Variants in GPHN observed in about 807,000 individuals in gnomAD.
The protein encoded by GPHN is gephyrin.
Under a neutral mutation model 95.5 loss-of-function variants are expected in GPHN, and 17 were observed. The observed-to-expected ratio is 0.18, with a 90% confidence interval of 0.12 to 0.27. The LOEUF is 0.27. Among genes scored for constraint, GPHN ranks in the 10% least tolerant of loss-of-function variants. GPHN has a pLI of 1.00. For missense variants in GPHN, 660 were observed against 978.1 expected, an observed-to-expected ratio of 0.67 and a Z score of 4.34; for synonymous variants, 320 against 322.5, an observed-to-expected ratio of 0.99 and a Z score of 0.08.
At chr14:66,864,904 G>A (rs1294689011) in intron 4 of GPHN, among the ~76,000 whole-genome samples, 1 of 151,698 alleles carries the variant, frequency 6.6e-6, no homozygotes, top group African/African-American at 2.4e-5. Context: ...TAAAGAAAAT[G>A]TACATCTACA....
chr14:67,251,838 G>T, the GPHN span, among the ~76,000 whole-genome samples: 1 of 152,192 alleles, frequency 6.6e-6, no homozygotes, highest in Non-Finnish European at 1.5e-5. Context: ...CAGGTTAGGG[G>T]CTGGTTGCCA....
intron 1 of GPHN, among the ~76,000 whole-genome samples, chr14:66,631,770 T>C (rs2063820859): frequency 2.0e-5 from 3 of 152,168 alleles, no homozygotes; most frequent in Non-Finnish European, 4.4e-5. Context: ...TTTTTATTTG[T>C]AGTTCTACTT....
the GPHN span, chr14:67,656,717 G>T: frequency 9.7e-7 from 1 of 1,028,584 alleles, no homozygotes; most frequent in African/African-American, 1.6e-5. Context: ...TTTTAAGACA[G>T]AACCAAAGAA....
chr14:67,541,871 G>T, the GPHN span: 1 of 1,599,510 alleles, frequency 6.3e-7, no homozygotes, highest in South Asian at 1.1e-5. Context: ...TTCCATCATG[G>T]CAGAACTCAA....
the GPHN span, chr14:67,382,657 A>G: frequency 6.4e-7 from 1 of 1,568,056 alleles, no homozygotes; most frequent in Non-Finnish European, 8.8e-7. Context: ...TTGTAGGTAA[A>G]TAAGAGCTGT....
At chr14:66,877,661 A>C (rs2063732178) in intron 4 of GPHN, among the ~76,000 whole-genome samples, 1 of 152,212 alleles carries the variant, frequency 6.6e-6, no homozygotes, top group African/African-American at 2.4e-5. Flanking sequence ...TAAAATGCCT[A>C]GAATATGACT....
intron 1 of GPHN, among the ~76,000 whole-genome samples, chr14:66,618,862 C>G (rs927429332): frequency 4.6e-5 from 7 of 152,092 alleles, no homozygotes; most frequent in African/African-American, 1.7e-4. Flanking sequence ...TGAACCTATC[C>G]ATCACACTCT....
the GPHN span, among the ~76,000 whole-genome samples, chr14:67,642,617 G>A: frequency 6.6e-6 from 1 of 151,962 alleles, no homozygotes; most frequent in Non-Finnish European, 1.5e-5. Flanking sequence ...AGGTATACTA[G>A]GCAAGGTTCC....
At chr14:67,025,938 A>G (rs929856692) in intron 10 of GPHN, among the ~76,000 whole-genome samples, 3 of 152,224 alleles carry the variant, frequency 2.0e-5, no homozygotes, top group African/African-American at 7.2e-5. Flanking sequence ...ATCTTTATCC[A>G]ATCTTAATGA....
At chr14:67,655,275 T>TA in the GPHN span, among the ~76,000 whole-genome samples, 4 of 150,218 alleles carry the variant, frequency 2.7e-5, no homozygotes, top group African/African-American at 9.8e-5. Context: ...TACAGTAAGT[T>TA]AAAATTGCAC....
chr14:66,605,856 T>C (rs1019903180), intron 1 of GPHN, among the ~76,000 whole-genome samples: 5 of 152,004 alleles, frequency 3.3e-5, no homozygotes, highest in Admixed American at 1.3e-4. Flanking sequence ...AGTTATTTGT[T>C]TTTTGCTTGT....
At chr14:67,238,293 C>T in the GPHN span, among the ~76,000 whole-genome samples, 5 of 137,300 alleles carry the variant, frequency 3.6e-5, no homozygotes, top group South Asian at 2.2e-4. Context: ...TTTTTAGACA[C>T]GGTCTTGCTC....
At chr14:67,413,178 C>A in the GPHN span, among the ~76,000 whole-genome samples, 1 of 152,142 alleles carries the variant, frequency 6.6e-6, no homozygotes, top group Non-Finnish European at 1.5e-5. Context: ...TTCTATCAGG[C>A]CATATTGGAG....
chr14:66,616,304 C>T lies in GPHN; in HGVS notation c.65-64803C>T, dbSNP rs925567996. 1.8e-4 allele frequency among the ~76,000 whole-genome samples: 17 copies of T among 92,298 alleles called. 2 individuals carry two copies. Among genetic ancestry groups the T allele is most frequent in the Middle Eastern group, 5.0e-3 (1 of 202 alleles). The allele number at this position is 92,298 out of a possible 152,430, so 60.6% of individuals were successfully genotyped here. A position where few individuals can be genotyped will look rare whatever the true frequency, so the allele number is the denominator to read the frequency against. On this transcript the variant is annotated intron_variant, in intron 1 of 22. Coordinates refer to ENST00000478722, the MANE Select transcript of GPHN (RefSeq NM_020806.5). ...AATTACTTCGGGCAGTCTGTCCTTT[C>T]GGGTTTTCAGCATTTTTTCATTGAT... is the stretch of plus-strand genomic sequence containing the variant.
chr14:67,180,053 T>C (rs955969655), intron 22 of GPHN, among the ~76,000 whole-genome samples: 2 of 152,204 alleles, frequency 1.3e-5, no homozygotes, highest in Admixed American at 6.5e-5. Context: ...AAAGCCCAAT[T>C]TATAATTTGA....
the GPHN span, chr14:67,586,259 C>T: frequency 9.2e-7 from 1 of 1,090,262 alleles, no homozygotes; most frequent in Non-Finnish European, 1.4e-6. Flanking sequence ...GGTGGTGTTG[C>T]ATCTCCGTAT....
chr14:67,534,200 C>A, the GPHN span, among the ~76,000 whole-genome samples: 6 of 152,156 alleles, frequency 3.9e-5, no homozygotes, highest in Non-Finnish European at 8.8e-5. Flanking sequence ...AGTACCATCA[C>A]TGAACGCTTT....
chr14:66,976,155 C>T (rs2153595287), intron 9 of GPHN, among the ~76,000 whole-genome samples: 1 of 152,290 alleles, frequency 6.6e-6, no homozygotes, highest in South Asian at 2.1e-4. Flanking sequence ...AATGTTCTAA[C>T]TTCACTTAAG....
At chr14:66,752,127 G>T (rs990588168) in intron 2 of GPHN, among the ~76,000 whole-genome samples, 3 of 152,098 alleles carry the variant, frequency 2.0e-5, no homozygotes, top group Admixed American at 6.5e-5. Context: ...TCATAGAATC[G>T]AAGAGAATTA....
Sources: gnomAD v4.1 joint callset for allele counts (sites outside exome capture counted in the v4.1 genomes callset) on GRCh38, gnomAD v4.1.1 for gene constraint, MANE v1.5 for transcripts, NCBI Gene and HGNC (gene_info 2026-07-23, HGNC 2026-07-21) for gene names.